RBFOX3: variants seen among roughly 807,000 people sequenced by gnomAD.
The protein encoded by RBFOX3 is RNA binding protein fox-1 homolog 3.
A neutral mutation model predicts 48.7 loss-of-function variants in RBFOX3; 17 were observed. The ratio of observed to expected loss-of-function variants is 0.35; its 90% CI spans 0.24 to 0.52. RBFOX3 has a LOEUF of 0.52. RBFOX3 is among the 20% of genes least tolerant of loss of function. The pLI, the probability that RBFOX3 is intolerant of heterozygous loss-of-function variation, is 0.94. For synonymous variants in RBFOX3, 212 were observed against 209.5 expected, an observed-to-expected ratio of 1.01 and a Z score of -0.10; for missense variants, 382 against 497.5, an observed-to-expected ratio of 0.77 and a Z score of 2.21.
chr17:79,455,602 C>T (rs2074340401), intron 2 of RBFOX3, among the ~76,000 whole-genome samples: 2 of 152,174 alleles, frequency 1.3e-5, no homozygotes, highest in South Asian at 4.1e-4. Flanking sequence ...CACACGCACG[C>T]AGTCACACAC....
In RBFOX3 at chr17:79,103,497, C is replaced by T; in HGVS notation, c.415-243G>A. Among the ~76,000 whole-genome samples, 1 of 152,124 alleles carries T rather than the reference C, an allele frequency of 6.6e-6. No individual in the cohort carries two copies. The highest frequency in any genetic ancestry group is 6.5e-5 in the Admixed American group (1 of 15,282). ...GGCAGCTGCTGACCCAGCCTGAGCC[C>T]AGCCTGAGCTGATCACCCGGCATCT... On this transcript the variant is annotated intron_variant, in intron 7 of 14. Coordinates refer to ENST00000693108, the MANE Select transcript of RBFOX3 (RefSeq NM_001350451.2). The surrounding 1 kb of genome is among the most constrained non-coding windows in gnomAD (Gnocchi z 6.1).
intron 4 of RBFOX3, among the ~76,000 whole-genome samples, chr17:79,118,980 A>C (rs2034921499): frequency 6.9e-6 from 1 of 144,430 alleles, no homozygotes. Flanking sequence ...TGTCTCAAAA[A>C]AAAAAAAAAA....
chr17:79,438,361 C>G (rs2070046657), intron 2 of RBFOX3, among the ~76,000 whole-genome samples: 1 of 152,214 alleles, frequency 6.6e-6, no homozygotes, highest in African/African-American at 2.4e-5. Flanking sequence ...AAAACCCACC[C>G]TGTTTTTCAT....
intron 2 of RBFOX3, among the ~76,000 whole-genome samples, chr17:79,378,353 AG>A (rs1474831753): frequency 6.6e-6 from 1 of 152,202 alleles, no homozygotes; most frequent in Non-Finnish European, 1.5e-5. Flanking sequence ...TAGCTTCATG[AG>A]GGGGATCCCA....
At chr17:79,239,313 C>G (rs1567897778) in intron 3 of RBFOX3, among the ~76,000 whole-genome samples, 1 of 152,186 alleles carries the variant, frequency 6.6e-6, no homozygotes, top group Non-Finnish European at 1.5e-5. Context: ...CTCCCAGGGT[C>G]ATGAAACACG....
intron 2 of RBFOX3, among the ~76,000 whole-genome samples, chr17:79,354,004 A>T (rs2084475720): frequency 6.6e-6 from 1 of 152,148 alleles, no homozygotes; most frequent in African/African-American, 2.4e-5. Context: ...AATAGCCTTA[A>T]TGTTTTTAGA....
intron 4 of RBFOX3, among the ~76,000 whole-genome samples, chr17:79,147,693 GT>G (rs2043327768): frequency 6.6e-6 from 1 of 152,242 alleles, no homozygotes; most frequent in Non-Finnish European, 1.5e-5. Flanking sequence ...CACACCCCTG[GT>G]TCTGGGCTGG....
chr17:79,426,729 A>T (rs1480379706), intron 2 of RBFOX3, among the ~76,000 whole-genome samples: 4 of 151,894 alleles, frequency 2.6e-5, no homozygotes, highest in African/African-American at 9.7e-5. Context: ...TTTGAGACAG[A>T]ATTTCACTCT....
intron 2 of RBFOX3, among the ~76,000 whole-genome samples, chr17:79,381,505 C>T (rs1204006709): frequency 1.3e-5 from 2 of 152,204 alleles, no homozygotes; most frequent in Non-Finnish European, 2.9e-5. Flanking sequence ...CCGTGTCAGA[C>T]AGCGCATCCT....
At chr17:79,491,237 T>C (rs1172974495) in intron 1 of RBFOX3, among the ~76,000 whole-genome samples, 4 of 145,216 alleles carry the variant, frequency 2.8e-5, no homozygotes, top group African/African-American at 1.0e-4. Flanking sequence ...AGGGGAAATG[T>C]CATCTAGGGA....
chr17:79,474,949 A>C (rs537396103), intron 2 of RBFOX3, among the ~76,000 whole-genome samples: 184 of 151,536 alleles, frequency 1.2e-3, no homozygotes, highest in African/African-American at 4.3e-3. Context: ...CCCTGGAGAG[A>C]CCTCACAGGC....
intron 4 of RBFOX3, among the ~76,000 whole-genome samples, chr17:79,216,054 A>G (rs565553643): frequency 6.6e-6 from 1 of 152,316 alleles, no homozygotes; most frequent in East Asian, 1.9e-4. Flanking sequence ...CCTGCCCCCA[A>G]GCGTCCTCAG....
chr17:79,325,253 G>A (rs906646618), intron 2 of RBFOX3, among the ~76,000 whole-genome samples: 5 of 152,228 alleles, frequency 3.3e-5, no homozygotes, highest in Admixed American at 1.3e-4. Context: ...CTCATCCCTG[G>A]AGATTCCACA....
At position 79,418,252 on chromosome 17, in the gene RBFOX3, T is replaced by C. The variant is rs913589358; in HGVS notation, c.-175+64202A>G. 2.6e-5 allele frequency among the ~76,000 whole-genome samples: 4 copies of C among 152,150 alleles called. No individual in the cohort carries two copies. The highest frequency in any genetic ancestry group is 2.6e-4 in the Admixed American group (4 of 15,276). The stretch of plus-strand genomic sequence containing the variant: ...TTTACCACAACGACAAAAAGTTTTT[T>C]CCAATCGCAGGGATGTATGTGTTCC... On this transcript the variant is annotated intron_variant, in intron 2 of 14. Coordinates refer to ENST00000693108, the MANE Select transcript of RBFOX3 (RefSeq NM_001350451.2). The surrounding 1 kb of genome is among the most constrained non-coding windows in gnomAD (Gnocchi z 5.0).
intron 2 of RBFOX3, among the ~76,000 whole-genome samples, chr17:79,478,382 C>T (rs1390810601): frequency 1.3e-5 from 2 of 152,114 alleles, no homozygotes; most frequent in African/African-American, 2.4e-5. Flanking sequence ...AGCCCCATGG[C>T]GTGTGCGGCA....
the RBFOX3 span, among the ~76,000 whole-genome samples, chr17:79,619,910 A>T: frequency 4.6e-5 from 7 of 152,196 alleles, no homozygotes; most frequent in African/African-American, 1.7e-4. Flanking sequence ...TACCTTCTGG[A>T]GTAACGAAAA....
chr17:79,552,258 T>C (rs2091224193), intron 1 of RBFOX3, among the ~76,000 whole-genome samples: 1 of 152,208 alleles, frequency 6.6e-6, no homozygotes, highest in African/African-American at 2.4e-5. Context: ...AACCTTACTA[T>C]AGGCCTGTAT....
At chr17:79,541,578 C>T (rs575691758) in intron 1 of RBFOX3, among the ~76,000 whole-genome samples, 4 of 152,330 alleles carry the variant, frequency 2.6e-5, no homozygotes, top group African/African-American at 7.2e-5. Flanking sequence ...GGAAGGGACA[C>T]GGCTTCTCCC....
intron 2 of RBFOX3, among the ~76,000 whole-genome samples, chr17:79,399,406 G>A (rs2062484283): frequency 1.3e-5 from 2 of 152,194 alleles, no homozygotes; most frequent in African/African-American, 4.8e-5. Context: ...TCTGATTAGA[G>A]TGACAGCATT....
Sources: allele counts gnomAD v4.1 joint callset (sites outside exome capture counted in the v4.1 genomes callset), GRCh38; gene constraint gnomAD v4.1.1; non-coding constraint Gnocchi (gnomAD v3.1); transcripts MANE v1.5; gene names NCBI Gene and HGNC (gene_info 2026-07-23, HGNC 2026-07-21).